Variants in MXD1 observed in about 807,000 individuals in gnomAD.
MXD1 encodes the protein MAX dimerization protein 1.
Under a neutral mutation model 25.7 loss-of-function variants are expected in MXD1, and 9 were observed. The ratio of observed to expected loss-of-function variants is 0.35; its 90% CI spans 0.21 to 0.61. MXD1 has a LOEUF of 0.61. Ranked by LOEUF, MXD1 falls within the 20% of genes least tolerant of loss-of-function variation. The pLI is 0.75. For missense variants in MXD1, 227 were observed against 292.4 expected (o/e 0.78, Z 1.63); for synonymous variants, 99 against 113.9 (o/e 0.87, Z 0.83).
intron 3 of MXD1, among the ~76,000 whole-genome samples, chr2:69,925,403 T>C (rs1677151499): frequency 6.6e-6 from 1 of 152,292 alleles, no homozygotes; most frequent in Admixed American, 6.5e-5. Flanking sequence ...ATCTTTCCAA[T>C]TGTTTTGGAA....
At chr2:69,929,462 A>G (rs527532825) in intron 3 of MXD1, among the ~76,000 whole-genome samples, 4 of 152,326 alleles carry the variant, frequency 2.6e-5, no homozygotes, top group Admixed American at 6.5e-5. Flanking sequence ...TCAAGAAAGC[A>G]TGGTCTGGAG....
At position 69,941,617 on chromosome 2, in the gene MXD1, A is replaced by C. The variant is rs554627763; in HGVS notation, c.*3333A>C. ...AGGTGGGCATTTTCCTTTAACCTCT[A>C]CTTTTTCAAAAGCAACAAAGGGGCC... On this transcript the variant is annotated 3_prime_UTR_variant, in exon 6 of 6. Coordinates refer to ENST00000264444, the MANE Select transcript of MXD1 (RefSeq NM_002357.4). The C allele has an allele frequency of 2.0e-5, 3 of 151,966 alleles. No homozygotes were observed. The highest frequency in any genetic ancestry group is 4.4e-5 in the Non-Finnish European group (3 of 67,994). 9.4% of individuals were successfully genotyped at this position (151,966 alleles called of 1,614,324 possible).
chr2:69,923,443 C>T (rs541407106), intron 3 of MXD1, among the ~76,000 whole-genome samples: 36 of 152,298 alleles, frequency 2.4e-4, no homozygotes, highest in Middle Eastern at 3.4e-3. Context: ...TGCCAACCCT[C>T]TTTGAAAAAG....
At chr2:69,919,031 G>A (rs779506228) in intron 2 of MXD1, among the ~76,000 whole-genome samples, 17 of 152,158 alleles carry the variant, frequency 1.1e-4, no homozygotes, top group African/African-American at 3.6e-4. Flanking sequence ...TTTAACACTC[G>A]AGTAATCAAA....
At chr2:69,934,782 A>G (rs985683346) in intron 3 of MXD1, among the ~76,000 whole-genome samples, 1 of 152,220 alleles carries the variant, frequency 6.6e-6, no homozygotes, top group African/African-American at 2.4e-5. Context: ...ATTCTTTTTG[A>G]TAGCTACATA....
At chr2:69,926,143 T>C (rs1344814909) in intron 3 of MXD1, among the ~76,000 whole-genome samples, 2 of 152,212 alleles carry the variant, frequency 1.3e-5, no homozygotes, top group African/African-American at 4.8e-5. Context: ...ATATGAAAGA[T>C]ATTGACACTT....
Position 69,915,128 on chromosome 2 carries a change from C to T in MXD1, c.-203C>T, listed in dbSNP as rs558497305. 1 of 413,328 alleles carries T rather than the reference C, an allele frequency of 2.4e-6. No individual in the cohort carries two copies. The highest frequency in any genetic ancestry group is 9.9e-5 in the South Asian group (1 of 10,094). 25.6% of individuals were successfully genotyped at this position (413,328 alleles called of 1,614,324 possible). A position where few individuals can be genotyped will look rare whatever the true frequency, so the allele number is the denominator to read the frequency against. On this transcript the variant is annotated 5_prime_UTR_variant, in exon 1 of 6. Transcript: ENST00000264444. This position sits in a 1 kb window ranked among gnomAD's most constrained non-coding sequence, Gnocchi z 5.8. ...GCTGCTGCTCTGCTCCGGGTTCTGT[C>T]ACTGTGTCGGCGGTGCCCAGCTCAC...
At chr2:69,917,224 G>A (rs952718596) in intron 2 of MXD1, among the ~76,000 whole-genome samples, 2 of 152,166 alleles carry the variant, frequency 1.3e-5, no homozygotes, top group African/African-American at 4.8e-5. Context: ...TGCGTCTTCT[G>A]TACTTGGTTT....
chr2:69,938,482 G>T lies in MXD1; in HGVS notation c.*198G>T. The T allele has an allele frequency of 3.5e-6, 2 of 569,840 alleles. No homozygotes were observed. The highest frequency in any genetic ancestry group is 3.1e-5 in the East Asian group (1 of 32,708). The allele number at this position is 569,840 out of a possible 1,614,324, so 35.3% of individuals were successfully genotyped here. A position where few individuals can be genotyped will look rare whatever the true frequency, so the allele number is the denominator to read the frequency against. ...GCATCCACTAGCTTCTCTTTTTCTCGCCATAAAAATTTGTCTCTGAGAGAC... is the reference window on the plus strand; with the variant it reads ...GCATCCACTAGCTTCTCTTTTTCTCTCCATAAAAATTTGTCTCTGAGAGAC... On this transcript the variant is annotated 3_prime_UTR_variant, in exon 6 of 6. Transcript: ENST00000264444.
At chr2:69,917,827 CAA>C (rs772479623) in intron 2 of MXD1, among the ~76,000 whole-genome samples, 1 of 88,694 alleles carries the variant, frequency 1.1e-5, no homozygotes. Flanking sequence ...AGTACTATGC[CAA>C]AAAAAAAAAA....
rs995466088 is a variant in MXD1, at chr2:69,935,364, C to T, written c.217C>T (p.Arg73Cys). ...EMEKNRRAHL[R>C]LCLEKLKGLV... Reference sequence around the variant, plus strand: ...TTGTTTTCATAGACGGGCTCATCTTCGCTTGTGCCTGGAGAAGTTGAAGGG... The same window carrying T: ...TTGTTTTCATAGACGGGCTCATCTTTGCTTGTGCCTGGAGAAGTTGAAGGG... The change falls in exon 4 of 6, where the codon CGC (arginine) becomes TGC (cysteine). Residue 73 changes from arginine to cysteine, a missense_variant. Transcript: ENST00000264444. 1.2e-6 allele frequency: 2 copies of T among 1,613,612 alleles called. No individual in the cohort carries two copies. The highest frequency in any genetic ancestry group is 8.5e-7 in the Non-Finnish European group (1 of 1,179,534).
rs867844688 is a variant in MXD1, at chr2:69,941,630, C to T, written c.*3346C>T. The T allele has an allele frequency of 6.6e-6, 1 of 152,100 alleles. No individual in the cohort carries two copies. The highest frequency in any genetic ancestry group is 1.5e-5 in the Non-Finnish European group (1 of 68,012). The allele number at this position is 152,100 out of a possible 1,614,324, so 9.4% of individuals were successfully genotyped here. A position where few individuals can be genotyped will look rare whatever the true frequency, so the allele number is the denominator to read the frequency against. ...CCTTTAACCTCTACTTTTTCAAAAG[C>T]AACAAAGGGGCCTCAACCTGAGTTT... On this transcript the variant is annotated 3_prime_UTR_variant, in exon 6 of 6. Transcript: ENST00000264444.
intron 2 of MXD1, among the ~76,000 whole-genome samples, chr2:69,920,397 T>C (rs1241843069): frequency 6.6e-6 from 1 of 152,226 alleles, no homozygotes; most frequent in Non-Finnish European, 1.5e-5. Flanking sequence ...TTCTCATTTA[T>C]TTTTTCTTCG....
chr2:69,927,696 T>C (rs1169131694), intron 3 of MXD1, among the ~76,000 whole-genome samples: 1 of 152,228 alleles, frequency 6.6e-6, no homozygotes, highest in Non-Finnish European at 1.5e-5. Flanking sequence ...GAAAAGGAGA[T>C]ATTAATGTGG....
chr2:69,928,229 T>C (rs1381533046), intron 3 of MXD1, among the ~76,000 whole-genome samples: 2 of 152,162 alleles, frequency 1.3e-5, no homozygotes, highest in East Asian at 3.9e-4. Flanking sequence ...ATTGGGTAAG[T>C]CTGGCCCACA....
chr2:69,916,790 A>G (rs746244238), intron 2 of MXD1, among the ~76,000 whole-genome samples: 10 of 152,388 alleles, frequency 6.6e-5, no homozygotes, highest in Non-Finnish European at 1.2e-4. Context: ...ATAGAGGAAT[A>G]TATAATACCA....
At chr2:69,933,556 C>T (rs765642887) in intron 3 of MXD1, among the ~76,000 whole-genome samples, 5 of 152,110 alleles carry the variant, frequency 3.3e-5, no homozygotes, top group Non-Finnish European at 7.4e-5. Flanking sequence ...GAAATGAATG[C>T]TGTACTCCCC....
intron 3 of MXD1, among the ~76,000 whole-genome samples, chr2:69,927,822 C>G (rs965279250): frequency 1.3e-5 from 2 of 152,172 alleles, no homozygotes; most frequent in Non-Finnish European, 2.9e-5. Flanking sequence ...TTTGTATTTT[C>G]TACAAAGATT....
rs758220659 is a variant in MXD1, at chr2:69,937,356, G to A, written c.440G>A (p.Gly147Asp). 5.0e-6 allele frequency: 8 copies of A among 1,613,638 alleles called. No individual in the cohort carries two copies. The East Asian group carries it at 8.9e-5, about 18-fold the overall frequency. Reference protein sequence around the residue: ...GIERIRMDSIGSTVSSERSDS... With the variant: ...GIERIRMDSIDSTVSSERSDS... Reference sequence around the variant, plus strand: ...GAGAGGATCCGGATGGACAGCATCGGCTCCACCGTCTCCTCGGAGCGCTCC... The same window carrying A: ...GAGAGGATCCGGATGGACAGCATCGACTCCACCGTCTCCTCGGAGCGCTCC... Residue 147 changes from glycine (G) to aspartate (D), a missense_variant, in exon 5 of 6, where the codon GGC becomes GAC. By Grantham distance (94) the Gly-to-Asp change is moderately conservative (BLOSUM62 -1). Transcript: ENST00000264444.
Sources: allele counts gnomAD v4.1 joint callset (sites outside exome capture counted in the v4.1 genomes callset), GRCh38; gene constraint gnomAD v4.1.1; non-coding constraint Gnocchi (gnomAD v3.1); transcripts MANE v1.5; gene names NCBI Gene and HGNC (gene_info 2026-07-23, HGNC 2026-07-21).